Variants in MTF2 observed in about 807,000 individuals in gnomAD.
The protein encoded by MTF2 is metal-response element-binding transcription factor 2.
MTF2 carries 11 observed loss-of-function variants against 79.5 expected under a neutral mutation model. The observed-to-expected ratio is 0.14, with a 90% CI of 0.09 to 0.23. MTF2 has a LOEUF of 0.23. Ranked by LOEUF, MTF2 falls within the 10% of genes least tolerant of loss-of-function variation. The probability of loss-of-function intolerance (pLI) is 1.00; values close to 1 mark genes in which losing one functional copy is unlikely to be tolerated. For synonymous variants in MTF2, 208 were observed against 232.8 expected, an observed-to-expected ratio of 0.89 and a Z score of 0.97; for missense variants, 486 against 711.2, an observed-to-expected ratio of 0.68 and a Z score of 3.60.
chr1:93,107,131 A>G (rs554385802), intron 1 of MTF2, among the ~76,000 whole-genome samples: 294 of 152,366 alleles, frequency 1.9e-3, no homozygotes, highest in African/African-American at 6.9e-3. Flanking sequence ...CAGCGGCATC[A>G]AACTGTACTT....
rs140966768 is a variant in MTF2, at chr1:93,088,781, G to A, written c.5+9250G>A. On this transcript the variant is annotated intron_variant, in intron 1 of 14. Transcript: ENST00000370298. ...GGTGTTTCACCACGTTGGCCAGGCTGGTATGGAACTCCTGACCTCAAGTGA... is the reference window on the plus strand; with the variant it reads ...GGTGTTTCACCACGTTGGCCAGGCTAGTATGGAACTCCTGACCTCAAGTGA... Among the ~76,000 whole-genome samples, 653 of 152,136 alleles carry A rather than the reference G, an allele frequency of 4.3e-3. 2 individuals are homozygous for A. Among genetic ancestry groups the A allele is most frequent in the African/African-American group, 0.014 (593 of 41,500 alleles).
At chr1:93,114,134 C>A (rs1656152413) in intron 3 of MTF2, among the ~76,000 whole-genome samples, 1 of 151,842 alleles carries the variant, frequency 6.6e-6, no homozygotes, top group African/African-American at 2.4e-5. Context: ...TATTGGATAC[C>A]ATATTTTCAG....
intron 1 of MTF2, among the ~76,000 whole-genome samples, chr1:93,106,974 C>A (rs905663210): frequency 6.6e-6 from 1 of 152,206 alleles, no homozygotes; most frequent in African/African-American, 2.4e-5. Context: ...ATTTTTACTT[C>A]TGTTCTCTTG....
rs377671052 is a variant in MTF2, at chr1:93,134,115, A to G, written c.1344A>G (p.Ser448=). The G allele has an allele frequency of 1.2e-6, 2 of 1,613,088 alleles. No homozygotes were observed. The change falls in exon 14 of 15, where the codon TCA becomes TCG. Residue 448 remains serine (S), a synonymous_variant. Transcript: ENST00000370298. The stretch of plus-strand genomic sequence containing the variant: ...GGAGAACTGAGGGAACTGCACATTC[A>G]TCCAATACCTCAGATGTGGATTTCA... ...SIGRTEGTAH[S]SNTSDVDFTG...
chr1:93,092,474 T>C (rs1655111786), intron 1 of MTF2, among the ~76,000 whole-genome samples: 2 of 152,216 alleles, frequency 1.3e-5, no homozygotes, highest in African/African-American at 2.4e-5. Context: ...ACAATGTAGT[T>C]TCTTTTCTGT....
In MTF2 at chr1:93,107,718, TTC is replaced by T. The variant is rs1314554281; in HGVS notation, c.6-2511_6-2510del. On this transcript the variant is annotated intron_variant, in intron 1 of 14. Coordinates refer to ENST00000370298, the MANE Select transcript of MTF2 (RefSeq NM_007358.4). Reference sequence around the variant, plus strand: ...ATTGACCTTAATTACCATTTTTTTTTTCGTTTGTTCTTGTGAATTCAAGTTAG... The same window carrying T: ...ATTGACCTTAATTACCATTTTTTTTTGTTTGTTCTTGTGAATTCAAGTTAG... 2.0e-5 allele frequency among the ~76,000 whole-genome samples: 3 copies of T among 152,186 alleles called. No individual in the cohort carries two copies. In the East Asian group the frequency reaches 5.8e-4, roughly 29 times the overall value.
chr1:93,112,577 T>C (rs182242278), intron 3 of MTF2, among the ~76,000 whole-genome samples: 290 of 152,290 alleles, frequency 1.9e-3, no homozygotes, highest in African/African-American at 6.7e-3. Context: ...AATGCAGAAG[T>C]TTATAATTAT....
chr1:93,080,927 T>C (rs1486913304), intron 1 of MTF2: 1 of 152,200 alleles, frequency 6.6e-6, no homozygotes, highest in Non-Finnish European at 1.5e-5. Flanking sequence ...AGTTTAGTTA[T>C]AACTTGAGAG....
At chr1:93,095,848 G>T (rs1166114349) in intron 1 of MTF2, among the ~76,000 whole-genome samples, 1 of 150,684 alleles carries the variant, frequency 6.6e-6, no homozygotes, top group Non-Finnish European at 1.5e-5. Flanking sequence ...TAGAGATGGG[G>T]TTTCACCATA....
At chr1:93,114,557 T>G in intron 3 of MTF2, 131 bp from the exon 4 acceptor site, 1 of 575,412 alleles carries the variant, frequency 1.7e-6, no homozygotes, top group Non-Finnish European at 3.0e-6. Context: ...ATTCGTGTAC[T>G]TTGTCTTGTG....
At position 93,094,602 on chromosome 1, in the gene MTF2, C is replaced by T. The variant is rs564260049; in HGVS notation, c.5+15071C>T. Among the ~76,000 whole-genome samples, 4 of 152,084 alleles carry T rather than the reference C, an allele frequency of 2.6e-5. No homozygotes were observed. In the East Asian group the frequency reaches 7.7e-4, roughly 29 times the overall value. On this transcript the variant is annotated intron_variant, in intron 1 of 14. Coordinates refer to ENST00000370298, the MANE Select transcript of MTF2 (RefSeq NM_007358.4). ...TTTCCTAACCTGTATTTTGCTGTTG[C>T]ATCCCCACTGTGTAGTTGAGCATAT...
chr1:93,126,088 C>G (rs1483453536), intron 9 of MTF2, among the ~76,000 whole-genome samples: 1 of 151,884 alleles, frequency 6.6e-6, no homozygotes, highest in Non-Finnish European at 1.5e-5. Context: ...TATCATTAGA[C>G]CCTTCAGAAA....
In MTF2 at chr1:93,082,847, A is replaced by G. The variant is rs186102098; in HGVS notation, c.5+3316A>G. Among the ~76,000 whole-genome samples the G allele has an allele frequency of 1.2e-3, 178 of 152,344 alleles. 1 individual carries two copies. The highest frequency in any genetic ancestry group is 4.0e-3 in the African/African-American group (168 of 41,584). ...CAAAAAGAAAAGAAAATCTTAATCCATTAACAGTCAGTCCCCTTCACCTAT... is the reference window on the plus strand; with the variant it reads ...CAAAAAGAAAAGAAAATCTTAATCCGTTAACAGTCAGTCCCCTTCACCTAT... On this transcript the variant is annotated intron_variant, in intron 1 of 14. Coordinates refer to ENST00000370298, the MANE Select transcript of MTF2 (RefSeq NM_007358.4).
chr1:93,106,263 C>A (rs970371882), intron 1 of MTF2, among the ~76,000 whole-genome samples: 12 of 152,108 alleles, frequency 7.9e-5, no homozygotes, highest in African/African-American at 2.9e-4. Context: ...GAGAGTAAGA[C>A]AGAGACAGAC....
chr1:93,116,685 T>G (rs1443971268), intron 6 of MTF2, among the ~76,000 whole-genome samples: 1 of 152,066 alleles, frequency 6.6e-6, no homozygotes, highest in East Asian at 1.9e-4. Flanking sequence ...AGTTTTTTTG[T>G]GGAAATGGAG....
intron 1 of MTF2, among the ~76,000 whole-genome samples, chr1:93,101,925 G>T (rs1655563930): frequency 6.6e-6 from 1 of 151,952 alleles, no homozygotes; most frequent in African/African-American, 2.4e-5. Context: ...TAAATACATT[G>T]AGCCGTCTCC....
At chr1:93,093,689 A>G (rs565836994) in intron 1 of MTF2, among the ~76,000 whole-genome samples, 1 of 152,126 alleles carries the variant, frequency 6.6e-6, no homozygotes, top group Non-Finnish European at 1.5e-5. Flanking sequence ...TCATACACAT[A>G]CACTCTTTTT....
intron 9 of MTF2, among the ~76,000 whole-genome samples, chr1:93,126,465 G>A (rs1407989075): frequency 8.5e-6 from 1 of 117,282 alleles, no homozygotes; most frequent in Admixed American, 9.7e-5. Flanking sequence ...AGTCAACTGT[G>A]ATATTTTGGA....
chr1:93,098,113 T>G (rs1157046226), intron 1 of MTF2, among the ~76,000 whole-genome samples: 2 of 152,158 alleles, frequency 1.3e-5, no homozygotes, highest in Non-Finnish European at 2.9e-5. Context: ...TCTCTCTAAT[T>G]TGAGCTGCAG....
Sources: gnomAD v4.1 joint callset for allele counts (sites outside exome capture counted in the v4.1 genomes callset) on GRCh38, gnomAD v4.1.1 for gene constraint, MANE v1.5 for transcripts, NCBI Gene and HGNC (gene_info 2026-07-23, HGNC 2026-07-21) for gene names.